Variants in SORCS2 observed in about 807,000 individuals in gnomAD.
The protein encoded by SORCS2 is VPS10 domain-containing receptor SorCS2.
Under a neutral mutation model 141.6 loss-of-function variants are expected in SORCS2, and 100 were observed. The ratio of observed to expected loss-of-function variants is 0.71; its 90% CI spans 0.60 to 0.83. SORCS2 has a LOEUF of 0.83. SORCS2 is among the 40% of genes least tolerant of loss of function. The pLI, the probability that SORCS2 is intolerant of heterozygous loss-of-function variation, is 0.00. For synonymous variants in SORCS2, 789 were observed against 676.9 expected, an observed-to-expected ratio of 1.17 and a Z score of -2.57; for missense variants, 1,646 against 1,560.2, an observed-to-expected ratio of 1.05 and a Z score of -0.93.
chr4:7,563,933 A>G (rs1305688874), intron 3 of SORCS2, among the ~76,000 whole-genome samples: 1 of 152,266 alleles, frequency 6.6e-6, no homozygotes, highest in African/African-American at 2.4e-5. Flanking sequence ...GGAAAATGGT[A>G]CTTGTTAGAA....
At chr4:7,412,450 C>T (rs1301802736) in intron 2 of SORCS2, among the ~76,000 whole-genome samples, 1 of 152,158 alleles carries the variant, frequency 6.6e-6, no homozygotes, top group Non-Finnish European at 1.5e-5. Flanking sequence ...CAGCCCTGCC[C>T]ATCCAGACGA....
At position 7,663,278 on chromosome 4, in the gene SORCS2, A is replaced by C. The variant is rs1049481971; in HGVS notation, c.953-1075A>C. Among the ~76,000 whole-genome samples, 1 of 151,316 alleles carries C rather than the reference A, an allele frequency of 6.6e-6. No homozygotes were observed. The highest frequency in any genetic ancestry group is 6.6e-5 in the Admixed American group (1 of 15,210). On this transcript the variant is annotated intron_variant, in intron 6 of 26. Transcript: ENST00000507866. The surrounding 1 kb of genome is among the most constrained non-coding windows in gnomAD (Gnocchi z 4.8). ...AGTGAATAAGTGAGTGAGTGAATGAATAAGTGAGTGAGTGAATGAGTGACT... is the reference window on the plus strand; with the variant it reads ...AGTGAATAAGTGAGTGAGTGAATGACTAAGTGAGTGAGTGAATGAGTGACT...
At chr4:7,495,708 G>T (rs754993700) in intron 2 of SORCS2, among the ~76,000 whole-genome samples, 1 of 152,180 alleles carries the variant, frequency 6.6e-6, no homozygotes, top group Non-Finnish European at 1.5e-5. Context: ...AGAAGGGAGC[G>T]GCCTCTCGTC....
At chr4:7,714,453 T>C (rs1172378015) in intron 16 of SORCS2, 80 bp downstream of exon 16, 1 of 1,472,658 alleles carries the variant, frequency 6.8e-7, no homozygotes, top group Non-Finnish European at 9.1e-7. Context: ...TCCCTCAGAG[T>C]GAGGGAGGAA....
intron 1 of SORCS2, among the ~76,000 whole-genome samples, chr4:7,244,921 G>T (rs976947735): frequency 6.6e-6 from 1 of 152,160 alleles, no homozygotes; most frequent in Non-Finnish European, 1.5e-5. Context: ...CCAGCCCGCC[G>T]CCCCTTCCTT....
At chr4:7,363,419 GCATCACCATTAT>G (rs1465405778) in intron 1 of SORCS2, among the ~76,000 whole-genome samples, 1 of 145,516 alleles carries the variant, frequency 6.9e-6, no homozygotes, top group African/African-American at 2.8e-5. Context: ...CCATAACTGT[GCATCACCATTAT>G]CATCACCATC....
rs183487794 is a variant in SORCS2, at chr4:7,378,909, C to T, written c.481-17379C>T. Reference sequence around the variant, plus strand: ...CTTGCCCTATTGGCCACCATGGACACGGATGCATTCTTGGCCTTTTTAATT... The same window carrying T: ...CTTGCCCTATTGGCCACCATGGACATGGATGCATTCTTGGCCTTTTTAATT... On this transcript the variant is annotated intron_variant, in intron 1 of 26. Transcript: ENST00000507866. Among the ~76,000 whole-genome samples the T allele has an allele frequency of 1.9e-3, 292 of 152,330 alleles. 2 individuals carry two copies. Among genetic ancestry groups the T allele is most frequent in the African/African-American group, 6.5e-3 (269 of 41,578 alleles).
intron 14 of SORCS2, among the ~76,000 whole-genome samples, chr4:7,709,045 C>G (rs891264616): frequency 9.2e-5 from 14 of 152,184 alleles, no homozygotes; most frequent in African/African-American, 3.4e-4. Flanking sequence ...CCTTTTCCTG[C>G]AGCTGCAGGA....
At chr4:7,499,451 G>C (rs1430110258) in intron 2 of SORCS2, among the ~76,000 whole-genome samples, 3 of 152,170 alleles carry the variant, frequency 2.0e-5, no homozygotes, top group Non-Finnish European at 4.4e-5. Flanking sequence ...CCACTGCAGG[G>C]GCACCAGTGA....
Position 7,454,180 on chromosome 4 carries a change from CTGTGTTGGGGTCAGGTGCTG to C in SORCS2, c.548+57881_548+57900del, listed in dbSNP as rs1351387842. Among the ~76,000 whole-genome samples, 229 of 107,880 alleles carry C rather than the reference CTGTGTTGGGGTCAGGTGCTG, an allele frequency of 2.1e-3. 5 individuals carry two copies. The highest frequency in any genetic ancestry group is 6.4e-3 in the African/African-American group (166 of 25,770). 70.8% of individuals were successfully genotyped at this position (107,880 alleles called of 152,430 possible). A position where few individuals can be genotyped will look rare whatever the true frequency, so the allele number is the denominator to read the frequency against. On this transcript the variant is annotated intron_variant, in intron 2 of 26. Coordinates refer to ENST00000507866, the MANE Select transcript of SORCS2 (RefSeq NM_020777.3). ...AGGTGCTGTGTGTTGGGGTCAGGCG[CTGTGTTGGGGTCAGGTGCTG>C]TGTGTTGGGGTCAGGTGCTGTGTGT...
intron 3 of SORCS2, among the ~76,000 whole-genome samples, chr4:7,541,825 C>T (rs549623285): frequency 2.2e-4 from 33 of 152,326 alleles, no homozygotes; most frequent in African/African-American, 7.7e-4. Context: ...GGTGCAGCTA[C>T]ACCAAAGAAA....
At chr4:7,429,757 G>A (rs1167505394) in intron 2 of SORCS2, among the ~76,000 whole-genome samples, 4 of 152,216 alleles carry the variant, frequency 2.6e-5, no homozygotes, top group Non-Finnish European at 5.9e-5. Context: ...ACATATCGTG[G>A]GTCGCGGGTG....
chr4:7,335,008 G>A (rs1276150927), intron 1 of SORCS2, among the ~76,000 whole-genome samples: 3 of 152,100 alleles, frequency 2.0e-5, no homozygotes, highest in African/African-American at 4.8e-5. Flanking sequence ...AGATGCAGTC[G>A]GCTGGGCCAT....
Position 7,286,092 on chromosome 4 carries a change from G to A in SORCS2, c.480+92966G>A, listed in dbSNP as rs568616399. Among the ~76,000 whole-genome samples the A allele has an allele frequency of 5.8e-4, 88 of 152,312 alleles. No individual in the cohort carries two copies. The highest frequency in any genetic ancestry group is 3.4e-3 in the Middle Eastern group (1 of 294). ...TCTTCCCGGTGCCTCTTTGTGGTGG[G>A]TGTAACTGTCAGCATCCTTGCTGTC... On this transcript the variant is annotated intron_variant, in intron 1 of 26. Coordinates refer to ENST00000507866, the MANE Select transcript of SORCS2 (RefSeq NM_020777.3). This position sits in a 1 kb window ranked among gnomAD's most constrained non-coding sequence, Gnocchi z 4.1.
intron 2 of SORCS2, among the ~76,000 whole-genome samples, chr4:7,497,768 A>G (rs948947552): frequency 1.3e-5 from 2 of 152,262 alleles, no homozygotes; most frequent in Non-Finnish European, 2.9e-5. Context: ...GAGTTGCCCA[A>G]GGTGACTCCC....
chr4:7,349,347 T>C lies in SORCS2; in HGVS notation c.481-46941T>C, dbSNP rs574176875. Among the ~76,000 whole-genome samples, 5 of 152,240 alleles carry C rather than the reference T, an allele frequency of 3.3e-5. No individual in the cohort carries two copies. In the South Asian group the frequency reaches 1.0e-3, roughly 32 times the overall value. On this transcript the variant is annotated intron_variant, in intron 1 of 26. Coordinates refer to ENST00000507866, the MANE Select transcript of SORCS2 (RefSeq NM_020777.3). ...TGTCTCAGCATTCTCATTGTAAATA[T>C]CTTGCTGAGTCAAGGTGTGGGGTCT...
intron 12 of SORCS2, among the ~76,000 whole-genome samples, chr4:7,701,266 G>A (rs1490635250): frequency 1.3e-5 from 2 of 151,658 alleles, no homozygotes; most frequent in African/African-American, 4.8e-5. Flanking sequence ...GAGGGAAGAA[G>A]AGGGAGGGAG....
At position 7,676,088 on chromosome 4, in the gene SORCS2, C is replaced by T. The variant is rs764275522; in HGVS notation, c.1200C>T (p.Phe400=). The change falls in exon 9 of 27, where the codon TTC becomes TTT. Residue 400 remains phenylalanine, a synonymous_variant. Coordinates refer to ENST00000507866, the MANE Select transcript of SORCS2 (RefSeq NM_020777.3). ...TCAGCACGGACGAGAGTCAGGTGTT[C>T]GTGGCGGTGCAGGAGTGGTACCAGA... ...QIISTDESQV[F]VAVQEWYQMD... 9 of 1,589,316 alleles carry T rather than the reference C, an allele frequency of 5.7e-6. No homozygotes were observed. Among genetic ancestry groups the T allele is most frequent in the African/African-American group, 4.0e-5 (3 of 74,404 alleles).
At chr4:7,706,783 G>A (rs1177174436) in intron 14 of SORCS2, among the ~76,000 whole-genome samples, 1 of 150,628 alleles carries the variant, frequency 6.6e-6, no homozygotes, top group African/African-American at 2.4e-5. Flanking sequence ...ATGAGGCTGG[G>A]CTCTGTCTGG....
Sources: gnomAD v4.1 joint callset for allele counts (sites outside exome capture counted in the v4.1 genomes callset) on GRCh38, gnomAD v4.1.1 for gene constraint, Gnocchi (gnomAD v3.1) non-coding constraint, MANE v1.5 for transcripts, NCBI Gene and HGNC (gene_info 2026-07-23, HGNC 2026-07-21) for gene names.